The following C1orf21 variants were observed in gnomAD, a reference collection of about 807,000 sequenced individuals.
C1orf21 encodes uncharacterized protein C1orf21.
In C1orf21, 3 loss-of-function variants were observed where a neutral mutation model predicts 18.7. That is an observed-to-expected ratio of 0.16 (90% CI 0.07 to 0.42). The LOEUF (loss-of-function observed/expected upper bound fraction) is 0.42. C1orf21 is among the 10% of genes least tolerant of loss of function. The pLI, the probability that C1orf21 is intolerant of heterozygous loss-of-function variation, is 0.99. For missense variants in C1orf21, 104 were observed against 143.6 expected, an observed-to-expected ratio of 0.72 and a Z score of 1.41; for synonymous variants, 41 against 46.4, an observed-to-expected ratio of 0.88 and a Z score of 0.47.
intron 3 of C1orf21, among the ~76,000 whole-genome samples, chr1:184,544,612 G>T (rs149763754): frequency 1.3e-5 from 2 of 152,106 alleles, no homozygotes; most frequent in Non-Finnish European, 2.9e-5. Flanking sequence ...CTACTGCTAC[G>T]ACTTCACCAT....
intron 1 of C1orf21, among the ~76,000 whole-genome samples, chr1:184,406,402 A>G (rs933402717): frequency 2.0e-5 from 3 of 152,222 alleles, no homozygotes; most frequent in African/African-American, 7.2e-5. Flanking sequence ...AGAGAAGGAA[A>G]AAAAACATTG....
intron 3 of C1orf21, among the ~76,000 whole-genome samples, chr1:184,537,727 C>T (rs965861518): frequency 6.6e-6 from 1 of 152,080 alleles, no homozygotes; most frequent in South Asian, 2.1e-4. Flanking sequence ...CTTGGCTCAC[C>T]GCAACCTCCG....
chr1:184,455,585 C>T (rs754980845), intron 1 of C1orf21, among the ~76,000 whole-genome samples: 1 of 152,096 alleles, frequency 6.6e-6, no homozygotes, highest in Non-Finnish European at 1.5e-5. Flanking sequence ...TTGGGGACAG[C>T]GTGAAAATAC....
chr1:184,493,899 T>A (rs1657852459), intron 2 of C1orf21, among the ~76,000 whole-genome samples: 1 of 152,210 alleles, frequency 6.6e-6, no homozygotes, highest in Non-Finnish European at 1.5e-5. Flanking sequence ...TTAACTCTGA[T>A]GGAACTCTGA....
chr1:184,619,417 G>T (rs1659881490), intron 5 of C1orf21, 101 bp from the exon 6 acceptor site: 11 of 1,280,694 alleles, frequency 8.6e-6, no homozygotes, highest in Non-Finnish European at 1.1e-5. Flanking sequence ...GGATTCTGTT[G>T]CAAGGAGACA....
chr1:184,422,339 G>A (rs886907599), intron 1 of C1orf21, among the ~76,000 whole-genome samples: 3 of 152,212 alleles, frequency 2.0e-5, no homozygotes, highest in Non-Finnish European at 4.4e-5. Flanking sequence ...TCTTGGTCAA[G>A]TAGCTTAATA....
At chr1:184,430,375 A>C (rs1248027903) in intron 1 of C1orf21, among the ~76,000 whole-genome samples, 1 of 152,162 alleles carries the variant, frequency 6.6e-6, no homozygotes, top group Non-Finnish European at 1.5e-5. Context: ...TTGTGATTTC[A>C]AACAGCACAG....
chr1:184,421,946 AT>A (rs1270963476), intron 1 of C1orf21, among the ~76,000 whole-genome samples: 1 of 152,228 alleles, frequency 6.6e-6, no homozygotes, highest in Non-Finnish European at 1.5e-5. Context: ...CCATGTGGAT[AT>A]CTGTTCATTT....
Position 184,587,524 on chromosome 1 carries a change from TTGTGTGTGTGTGTGTG to T in C1orf21, c.190-3185_190-3170del, listed in dbSNP as rs3034486. ...CCCTGCTTAGCTGTGTTCCTAGGAA[TTGTGTGTGTGTGTGTG>T]TGTGTGTGTGTGTGTGTGTGTGTGT... On this transcript the variant is annotated intron_variant, in intron 3 of 5. Coordinates refer to ENST00000235307, the MANE Select transcript of C1orf21 (RefSeq NM_030806.4). Among the ~76,000 whole-genome samples, 409 of 139,688 alleles carry T rather than the reference TTGTGTGTGTGTGTGTG, an allele frequency of 2.9e-3. 1 individual carries two copies. Among genetic ancestry groups the T allele is most frequent in the African/African-American group, 6.5e-3 (248 of 38,026 alleles). 91.6% of individuals were successfully genotyped at this position (139,688 alleles called of 152,430 possible). A position where few individuals can be genotyped will look rare whatever the true frequency, so the allele number is the denominator to read the frequency against.
chr1:184,483,050 C>T lies in C1orf21; in HGVS notation c.94+5447C>T, dbSNP rs12040964. Among the ~76,000 whole-genome samples, 22 of 152,324 alleles carry T rather than the reference C, an allele frequency of 1.4e-4. No homozygotes were observed. The East Asian group carries it at 2.5e-3, about 17-fold the overall frequency. On this transcript the variant is annotated intron_variant, in intron 2 of 5. Transcript: ENST00000235307. ...ATATTTACTTACATATTTTCTTTCACTTTAAGTGTTGAAGCATAAAAAGTT... is the reference window on the plus strand; with the variant it reads ...ATATTTACTTACATATTTTCTTTCATTTTAAGTGTTGAAGCATAAAAAGTT...
At chr1:184,465,616 A>G (rs573006494) in intron 1 of C1orf21, among the ~76,000 whole-genome samples, 4 of 152,312 alleles carry the variant, frequency 2.6e-5, no homozygotes, top group African/African-American at 9.6e-5. Context: ...ATATCATCCC[A>G]GATTCAAGAA....
rs532789696 is a variant in C1orf21, at chr1:184,394,989, C to T, written c.-125+7621C>T. ...TCCATGGCCTCCCCAACACCCACCC[C>T]TGCCTCACCCTGGGATATCCTTCTT... is the stretch of plus-strand genomic sequence containing the variant. On this transcript the variant is annotated intron_variant, in intron 1 of 5. Transcript: ENST00000235307. Among the ~76,000 whole-genome samples the T allele has an allele frequency of 6.6e-5, 10 of 152,212 alleles. No homozygotes were observed. In the South Asian group the frequency reaches 2.1e-3, roughly 32 times the overall value.
intron 1 of C1orf21, among the ~76,000 whole-genome samples, chr1:184,395,975 C>A (rs1030293409): frequency 3.9e-5 from 6 of 152,002 alleles, no homozygotes; most frequent in East Asian, 1.9e-4. Context: ...ACTCATAGAC[C>A]AATTCTCTTA....
intron 1 of C1orf21, among the ~76,000 whole-genome samples, chr1:184,456,094 T>G (rs966530172): frequency 6.6e-6 from 1 of 152,180 alleles, no homozygotes; most frequent in Non-Finnish European, 1.5e-5. Context: ...TTCCTTGGGA[T>G]GTAGCAAGCT....
intron 1 of C1orf21, among the ~76,000 whole-genome samples, chr1:184,437,466 C>G (rs1273978235): frequency 1.3e-5 from 2 of 152,058 alleles, no homozygotes; most frequent in Non-Finnish European, 2.9e-5. Flanking sequence ...ACATGAGAAC[C>G]TGTTTTCTTT....
chr1:184,394,475 T>C (rs1252913453), intron 1 of C1orf21, among the ~76,000 whole-genome samples: 1 of 152,216 alleles, frequency 6.6e-6, no homozygotes, highest in African/African-American at 2.4e-5. Context: ...TGCTAAGGGA[T>C]GTACTCTCAA....
At chr1:184,528,729 A>C (rs1658414650) in intron 3 of C1orf21, among the ~76,000 whole-genome samples, 1 of 152,050 alleles carries the variant, frequency 6.6e-6, no homozygotes, top group African/African-American at 2.4e-5. Flanking sequence ...ATCATTTTCT[A>C]TTTTCCTTTA....
chr1:184,448,391 C>T (rs576692008), intron 1 of C1orf21, among the ~76,000 whole-genome samples: 64 of 152,236 alleles, frequency 4.2e-4, no homozygotes, highest in Non-Finnish European at 7.1e-4. Context: ...GCTTATCTTT[C>T]AAGTCTTAAG....
intron 3 of C1orf21, among the ~76,000 whole-genome samples, chr1:184,514,772 C>T (rs1284311888): frequency 6.6e-6 from 1 of 152,050 alleles, no homozygotes. Flanking sequence ...CTATATTATA[C>T]AAGGCAGCAA....
Sources: gnomAD v4.1 joint callset for allele counts (sites outside exome capture counted in the v4.1 genomes callset) on GRCh38, gnomAD v4.1.1 for gene constraint, MANE v1.5 for transcripts, NCBI Gene and HGNC (gene_info 2026-07-23, HGNC 2026-07-21) for gene names.